The following FRMPD4 variants were observed in gnomAD, a reference collection of about 807,000 sequenced individuals.
The protein encoded by FRMPD4 is FERM and PDZ domain containing 4.
FRMPD4 carries 22 observed loss-of-function variants against 94.1 expected under a neutral mutation model. The observed-to-expected ratio is 0.23, with a 90% confidence interval of 0.17 to 0.33. The LOEUF (loss-of-function observed/expected upper bound fraction) is 0.33. Among genes scored for constraint, FRMPD4 ranks in the 10% least tolerant of loss-of-function variants. The pLI, the probability that FRMPD4 is intolerant of heterozygous loss-of-function variation, is 1.00. For synonymous variants in FRMPD4, 631 were observed against 548.6 expected (o/e 1.15, Z -2.10); for missense variants, 1,111 against 1,339.9 (o/e 0.83, Z 2.67).
At chrX:12,543,843 T>A (rs1335707946) in intron 2 of FRMPD4, among the ~76,000 whole-genome samples, 1 of 109,127 alleles carries the variant, frequency 9.2e-6, no homozygotes, top group South Asian at 4.0e-4. Context: ...AACCCAAATG[T>A]CCAACAATGA....
intron 3 of FRMPD4, among the ~76,000 whole-genome samples, chrX:12,038,887 T>G (rs1379737787): frequency 8.9e-6 from 1 of 111,991 alleles, no homozygotes; most frequent in Admixed American, 9.4e-5. Flanking sequence ...TTTTCTATTT[T>G]TTTTTGTTTT....
intron 3 of FRMPD4, among the ~76,000 whole-genome samples, chrX:12,127,799 G>C (rs1184209347): frequency 8.9e-6 from 1 of 112,583 alleles, no homozygotes; most frequent in African/African-American, 3.2e-5. Flanking sequence ...TGTCGGTACA[G>C]GCATTGGATG....
At chrX:11,909,749 A>C (rs906421525) in intron 3 of FRMPD4, among the ~76,000 whole-genome samples, 1 of 111,092 alleles carries the variant, frequency 9.0e-6, no homozygotes, top group African/African-American at 3.3e-5. Context: ...AAATTCCATT[A>C]AAAGTGTTCT....
intron 3 of FRMPD4, among the ~76,000 whole-genome samples, chrX:11,965,585 A>G (rs6639111): frequency 0.088 from 9,762 of 111,505 alleles, 359 homozygotes; most frequent in East Asian, 0.24. Flanking sequence ...TTCTGTAAAT[A>G]TTTCACTGCC....
At chrX:12,565,173 G>A (rs1421605551) in intron 2 of FRMPD4, among the ~76,000 whole-genome samples, 2 of 111,058 alleles carry the variant, frequency 1.8e-5, no homozygotes, top group African/African-American at 6.5e-5. Flanking sequence ...TAAATGATTT[G>A]ATATAAAAAT....
chrX:12,047,835 T>C (rs983930045), intron 3 of FRMPD4, among the ~76,000 whole-genome samples: 1 of 112,563 alleles, frequency 8.9e-6, no homozygotes, highest in Non-Finnish European at 1.9e-5. Flanking sequence ...TTTATTCTTT[T>C]TTATAGCTGC....
intron 3 of FRMPD4, among the ~76,000 whole-genome samples, chrX:12,003,056 C>G (rs2054532352): frequency 9.0e-6 from 1 of 111,358 alleles, no homozygotes; most frequent in African/African-American, 3.3e-5. Context: ...TTAAGCTACT[C>G]ATAGCACACC....
intron 1 of FRMPD4, among the ~76,000 whole-genome samples, chrX:12,237,714 C>A (rs1450808883): frequency 8.9e-6 from 1 of 111,880 alleles, no homozygotes; most frequent in Non-Finnish European, 1.9e-5. Context: ...TGTTATTTAT[C>A]TTTTTGAAAG....
At chrX:12,410,616 C>T (rs994732270) in intron 1 of FRMPD4, among the ~76,000 whole-genome samples, 1 of 111,413 alleles carries the variant, frequency 9.0e-6, no homozygotes, top group East Asian at 2.8e-4. Flanking sequence ...ATTGATCCTG[C>T]CCACAGTCCT....
chrX:12,013,416 C>T (rs774806262), intron 3 of FRMPD4, among the ~76,000 whole-genome samples: 5 of 111,809 alleles, frequency 4.5e-5, no homozygotes, highest in Non-Finnish European at 9.4e-5. Context: ...TCTCCAGGGC[C>T]CTTGTGCATT....
At chrX:12,057,563 G>A (rs1302080525) in intron 3 of FRMPD4, among the ~76,000 whole-genome samples, 2 of 111,331 alleles carry the variant, frequency 1.8e-5, no homozygotes. Context: ...ACCTCTTAGA[G>A]TGTTTGTTTT....
At chrX:12,230,773 A>G (rs1043585530) in intron 1 of FRMPD4, among the ~76,000 whole-genome samples, 10 of 102,080 alleles carry the variant, frequency 9.8e-5, no homozygotes, top group African/African-American at 3.6e-4. Context: ...GCATAGAGCT[A>G]GAGCTATTGA....
rs746805071 is a variant in FRMPD4, at chrX:12,101,952, A to G, written c.95+223934A>G. 4.5e-5 allele frequency among the ~76,000 whole-genome samples: 5 copies of G among 112,075 alleles called. No homozygotes were observed. In the South Asian group the frequency reaches 1.1e-3, roughly 25 times the overall value. On this transcript the variant is annotated intron_variant, in intron 3 of 18. Transcript: ENST00000640291. ...GAGATCCAACTACATTAAGCTTCAT[A>G]TCTTGATTTTGTATTTTCATAGCAT...
chrX:12,653,733 TAAA>T (rs35537156), intron 4 of FRMPD4, among the ~76,000 whole-genome samples: 1 of 93,481 alleles, frequency 1.1e-5, no homozygotes. Context: ...TATGACTTAC[TAAA>T]AAAAAAAAAA....
At chrX:12,030,089 T>C (rs1196757702) in intron 3 of FRMPD4, among the ~76,000 whole-genome samples, 1 of 112,182 alleles carries the variant, frequency 8.9e-6, no homozygotes, top group Non-Finnish European at 1.9e-5. Context: ...TGTTTTTACC[T>C]TTATGCTATT....
intron 3 of FRMPD4, among the ~76,000 whole-genome samples, chrX:11,965,314 A>T (rs2147376229): frequency 8.9e-6 from 1 of 112,149 alleles, no homozygotes; most frequent in East Asian, 2.8e-4. Flanking sequence ...GCAATCATTC[A>T]ATAATTAAGG....
In FRMPD4 at chrX:12,718,508, G is replaced by T. The variant is rs140005767; in HGVS notation, c.3682G>T (p.Gly1228Cys). 1 of 1,199,976 alleles carries T rather than the reference G, an allele frequency of 8.3e-7. No individual in the cohort carries two copies. The highest frequency in any genetic ancestry group is 2.2e-5 in the Admixed American group (1 of 46,076). ...VDAGCGTGSS[G>C]SACATPVESP... is the part of the protein sequence containing the mutation. ...TGCAGGCTGTGGCACAGGCAGCAGTGGCAGTGCCTGTGCCACACCCGTGGA... is the reference window on the plus strand; with the variant it reads ...TGCAGGCTGTGGCACAGGCAGCAGTTGCAGTGCCTGTGCCACACCCGTGGA... Residue 1228 changes from glycine to cysteine, a missense_variant, in exon 16 of 17, where the codon GGC (glycine) becomes TGC (cysteine). This residue lies in a region of FRMPD4 where 551 missense variants were observed against 591.6 expected (regional missense o/e 0.93). Transcript: ENST00000675598.
At chrX:12,437,251 A>G (rs950062045) in intron 1 of FRMPD4, among the ~76,000 whole-genome samples, 5 of 111,269 alleles carry the variant, frequency 4.5e-5, no homozygotes, top group Admixed American at 1.9e-4. Flanking sequence ...CTTCCCTACA[A>G]TAGTCCCAGC....
At chrX:12,109,180 A>T (rs1401330656) in intron 3 of FRMPD4, among the ~76,000 whole-genome samples, 1 of 111,699 alleles carries the variant, frequency 9.0e-6, no homozygotes, top group Non-Finnish European at 1.9e-5. Context: ...GAAGTAAAGC[A>T]CTCCTCAGCA....
Sources: allele counts gnomAD v4.1 joint callset (sites outside exome capture counted in the v4.1 genomes callset), GRCh38; gene constraint gnomAD v4.1.1; regional missense constraint gnomAD v4.1.1; transcripts MANE v1.5; gene names NCBI Gene and HGNC (gene_info 2026-07-23, HGNC 2026-07-21).